Variants in LRIF1 observed in about 807,000 individuals in gnomAD.
LRIF1 encodes ligand dependent nuclear receptor interacting factor 1.
LRIF1 carries 32 observed loss-of-function variants against 52.7 expected under a neutral mutation model. The observed-to-expected ratio is 0.61, with a 90% CI of 0.46 to 0.82. The LOEUF (loss-of-function observed/expected upper bound fraction) is 0.82, where lower values mean the gene tolerates loss of function less well. Ranked by LOEUF, LRIF1 falls within the 40% of genes least tolerant of loss-of-function variation. The pLI is 0.00. For synonymous variants in LRIF1, 323 were observed against 317.4 expected (o/e 1.02, Z -0.19); for missense variants, 887 against 892.0 (o/e 0.99, Z 0.07).
At chr1:110,886,266 C>A in the LRIF1 span, among the ~76,000 whole-genome samples, 1 of 151,832 alleles carries the variant, frequency 6.6e-6, no homozygotes, top group South Asian at 2.1e-4. Context: ...CTTTTTTTCC[C>A]CTGGTTGTTT....
downstream of LRIF1, among the ~76,000 whole-genome samples, chr1:110,945,572 T>C (rs1037867817): frequency 6.6e-6 from 1 of 152,106 alleles, no homozygotes; most frequent in Non-Finnish European, 1.5e-5. Flanking sequence ...ATTACAGGCA[T>C]GCACAACCAT....
the LRIF1 span, among the ~76,000 whole-genome samples, chr1:110,884,092 A>G: frequency 6.6e-6 from 1 of 151,976 alleles, no homozygotes; most frequent in Non-Finnish European, 1.5e-5. Flanking sequence ...CTAGTTTCTC[A>G]AGATGCAATC....
the LRIF1 span, among the ~76,000 whole-genome samples, chr1:110,891,097 G>C: frequency 1.3e-5 from 2 of 152,240 alleles, no homozygotes; most frequent in Non-Finnish European, 2.9e-5. Context: ...CACTGGCCTG[G>C]TCTCTGTCAC....
the LRIF1 span, among the ~76,000 whole-genome samples, chr1:110,897,326 G>T: frequency 1.3e-5 from 2 of 152,224 alleles, no homozygotes; most frequent in Non-Finnish European, 2.9e-5. Flanking sequence ...TCCTGAAGGG[G>T]TTTGGAAATC....
In LRIF1 at chr1:110,951,906, A is replaced by T. The variant is rs774144749; in HGVS notation, c.978T>A (p.Asn326Lys). The T allele has an allele frequency of 6.2e-7, 1 of 1,614,022 alleles. No homozygotes were observed. Among genetic ancestry groups the T allele is most frequent in the Admixed American group, 1.7e-5 (1 of 59,992 alleles). The change falls in exon 2 of 4, where the codon AAT (asparagine) becomes AAA (lysine). Residue 326 changes from asparagine (N) to lysine (K), a missense_variant. Coordinates refer to ENST00000369763, the MANE Select transcript of LRIF1 (RefSeq NM_018372.4). ...KILKTFVDRK[N>K]LGDNTINMPP... The stretch of plus-strand genomic sequence containing the variant: ...GCATATTTATAGTATTATCTCCCAA[A>T]TTTTTCCTATCTACAAAAGTTTTTA...
the LRIF1 span, among the ~76,000 whole-genome samples, chr1:110,877,151 A>C: frequency 6.6e-6 from 1 of 152,134 alleles, no homozygotes; most frequent in East Asian, 1.9e-4. Context: ...TGTCTCCTTT[A>C]GTCTGGAACA....
chr1:110,895,238 C>A, the LRIF1 span, among the ~76,000 whole-genome samples: 5 of 152,200 alleles, frequency 3.3e-5, no homozygotes, highest in African/African-American at 1.2e-4. Flanking sequence ...GTACAAAGTT[C>A]TCTACATTCT....
chr1:110,919,821 A>C, the LRIF1 span, among the ~76,000 whole-genome samples: 12 of 152,350 alleles, frequency 7.9e-5, no homozygotes, highest in Admixed American at 3.9e-4. Context: ...GTCGTTATCC[A>C]AAATAACCCA....
the LRIF1 span, among the ~76,000 whole-genome samples, chr1:110,911,302 A>C: frequency 6.6e-6 from 1 of 152,312 alleles, no homozygotes; most frequent in East Asian, 1.9e-4. Context: ...GTAGGAAGAA[A>C]CTGAAATCCT....
rs1262346602 is a variant in LRIF1 at position 110,947,393 on chromosome 1, C to G, written c.*566G>C. 1 of 151,774 alleles carries G rather than the reference C, an allele frequency of 6.6e-6. No individual in the cohort carries two copies. Among genetic ancestry groups the G allele is most frequent in the Non-Finnish European group, 1.5e-5 (1 of 67,972 alleles). The allele number at this position is 151,774 out of a possible 1,614,324, so 9.4% of individuals were successfully genotyped here. A position where few individuals can be genotyped will look rare whatever the true frequency, so the allele number is the denominator to read the frequency against. ...TATATAAAATTACATTGTAAAGTTACAAATGTTGCTCATTCTTGAGAAATG... is the reference window on the plus strand; with the variant it reads ...TATATAAAATTACATTGTAAAGTTAGAAATGTTGCTCATTCTTGAGAAATG... On this transcript the variant is annotated 3_prime_UTR_variant, in exon 4 of 4. Transcript: ENST00000369763.
At chr1:110,876,201 A>G in the LRIF1 span, among the ~76,000 whole-genome samples, 2 of 152,344 alleles carry the variant, frequency 1.3e-5, no homozygotes, top group Admixed American at 6.5e-5. Flanking sequence ...CTTACTTTTC[A>G]GGTAAAATGA....
intron 1 of LRIF1, among the ~76,000 whole-genome samples, chr1:110,955,517 A>G (rs927711496): frequency 6.6e-6 from 1 of 152,202 alleles, no homozygotes. Context: ...TTCTGATGCA[A>G]TGTTAAGCCA....
the LRIF1 span, chr1:110,936,283 C>A: frequency 0.057 from 8,718 of 152,016 alleles, 298 homozygotes; most frequent in East Asian, 0.14. Flanking sequence ...TAATGGTACA[C>A]AGAAAAAACA....
At chr1:110,958,170 T>C (rs1253849027) in intron 1 of LRIF1, among the ~76,000 whole-genome samples, 1 of 152,194 alleles carries the variant, frequency 6.6e-6, no homozygotes, top group African/African-American at 2.4e-5. Flanking sequence ...TCTACAACAA[T>C]ACCACCCACA....
the LRIF1 span, among the ~76,000 whole-genome samples, chr1:110,917,303 C>T: frequency 2.0e-5 from 3 of 152,202 alleles, no homozygotes; most frequent in African/African-American, 7.2e-5. Flanking sequence ...ATCCATCTTT[C>T]CTTCCCAATT....
chr1:110,953,286 G>A (rs1264212320), intron 1 of LRIF1, among the ~76,000 whole-genome samples: 1 of 152,024 alleles, frequency 6.6e-6, no homozygotes, highest in East Asian at 1.9e-4. Flanking sequence ...AGTTCTGCCA[G>A]CCATTCTTCT....
chr1:110,950,582 G>C (rs1658428166), intron 2 of LRIF1, among the ~76,000 whole-genome samples: 1 of 151,916 alleles, frequency 6.6e-6, no homozygotes, highest in African/African-American at 2.4e-5. Flanking sequence ...CTCTAAGTAA[G>C]CAAGGAAAAG....
chr1:110,934,697 G>A, the LRIF1 span, among the ~76,000 whole-genome samples: 2 of 152,202 alleles, frequency 1.3e-5, no homozygotes, highest in Admixed American at 1.3e-4. Context: ...CCAGGTAGAT[G>A]TCTAAGGTTT....
chr1:110,944,113 G>C (rs1658147308), downstream of LRIF1: 1 of 152,186 alleles, frequency 6.6e-6, no homozygotes, highest in South Asian at 2.1e-4. Flanking sequence ...TAACTTATGA[G>C]GCTACCAATA....
Sources: gnomAD v4.1 joint callset for allele counts (sites outside exome capture counted in the v4.1 genomes callset) on GRCh38, gnomAD v4.1.1 for gene constraint, MANE v1.5 for transcripts, NCBI Gene and HGNC (gene_info 2026-07-23, HGNC 2026-07-21) for gene names.